CFAP97: variants seen among roughly 807,000 people sequenced by gnomAD.
The protein encoded by CFAP97 is cilia- and flagella-associated protein 97.
In CFAP97, 36 loss-of-function variants were observed where a neutral mutation model predicts 43.1. The observed-to-expected ratio is 0.84, with a 90% CI of 0.64 to 1.10. The LOEUF (loss-of-function observed/expected upper bound fraction) is 1.10. Among genes scored for constraint, CFAP97 ranks in the 50% least tolerant of loss-of-function variants. CFAP97 has a pLI of 0.00. For synonymous variants in CFAP97, 228 were observed against 225.7 expected (o/e 1.01, Z -0.09); for missense variants, 657 against 620.3 (o/e 1.06, Z -0.63).
chr4:185,192,694 G>C (rs912858571), intron 1 of CFAP97, among the ~76,000 whole-genome samples: 2 of 148,190 alleles, frequency 1.3e-5, no homozygotes, highest in African/African-American at 5.0e-5. Context: ...CTTAAGATCA[G>C]ACTTGACCTT....
At chr4:185,193,714 C>T (rs542616032) in intron 1 of CFAP97, among the ~76,000 whole-genome samples, 1 of 152,048 alleles carries the variant, frequency 6.6e-6, no homozygotes, top group East Asian at 1.9e-4. Flanking sequence ...ATAATTAATT[C>T]TATTTTACAT....
At chr4:185,203,539 G>C (rs897033245) in intron 1 of CFAP97, among the ~76,000 whole-genome samples, 8 of 152,098 alleles carry the variant, frequency 5.3e-5, no homozygotes, top group African/African-American at 1.9e-4. Flanking sequence ...TAACCCCTCG[G>C]GCCTCGTGGG....
chr4:185,176,043 GCAGAAAAGCTA>G lies in CFAP97; in HGVS notation c.1055-3_1062del, dbSNP rs774067634. The G allele has an allele frequency of 7.2e-5, 113 of 1,577,510 alleles. No individual in the cohort carries two copies. Among genetic ancestry groups the G allele is most frequent in the Admixed American group, 9.2e-5 (5 of 54,472 alleles). Reference sequence around the variant, plus strand: ...TTTTGTGGTCCTTTTTTATCTAATTGCAGAAAAGCTACAGAAAAGAACAAAAAAAAAAGAGA... The same window carrying G: ...TTTTGTGGTCCTTTTTTATCTAATTGCAGAAAAGAACAAAAAAAAAAGAGA... On this transcript the variant is annotated splice_acceptor_variant and splice_polypyrimidine_tract_variant and coding_sequence_variant and intron_variant, in exon 3 of 5. Coordinates refer to ENST00000458385, the MANE Select transcript of CFAP97 (RefSeq NM_020827.3). LOFTEE classifies it high-confidence loss of function.
intron 3 of CFAP97, among the ~76,000 whole-genome samples, chr4:185,166,740 A>C (rs747388989): frequency 7.9e-5 from 12 of 152,210 alleles, no homozygotes; most frequent in Non-Finnish European, 1.6e-4. Flanking sequence ...ACATGGAACA[A>C]CACCATGTGT....
rs887843119 is a variant in CFAP97, at chr4:185,161,776, C to T, written c.*1022G>A. 1.3e-5 allele frequency: 2 copies of T among 152,284 alleles called. No individual in the cohort carries two copies. Among genetic ancestry groups the T allele is most frequent in the Admixed American group, 1.3e-4 (2 of 15,296 alleles). The allele number at this position is 152,284 out of a possible 1,614,324, so 9.4% of individuals were successfully genotyped here. A position where few individuals can be genotyped will look rare whatever the true frequency, so the allele number is the denominator to read the frequency against. On this transcript the variant is annotated 3_prime_UTR_variant, in exon 5 of 5. Transcript: ENST00000458385. ...AATTAGCTAATACTTAAAGCAGCAG[C>T]CTCAACAAATGTGTGATTTATTTCC...
At position 185,160,706 on chromosome 4, in the gene CFAP97, T is replaced by TA. The variant is rs1734844426; in HGVS notation, c.*2091dup. ...AAAACTAAAGCATTAAATTAGTACC[T>TA]AAAATCAAAGTACAGTTGTTATTTA... On this transcript the variant is annotated 3_prime_UTR_variant, in exon 5 of 5. Transcript: ENST00000458385. 1 of 151,742 alleles carries TA rather than the reference T, an allele frequency of 6.6e-6. No individual in the cohort carries two copies. Among genetic ancestry groups the TA allele is most frequent in the Non-Finnish European group, 1.5e-5 (1 of 67,930 alleles). 9.4% of individuals were successfully genotyped at this position (151,742 alleles called of 1,614,324 possible).
intron 3 of CFAP97, among the ~76,000 whole-genome samples, chr4:185,168,795 A>G (rs1735170184): frequency 6.6e-6 from 1 of 152,092 alleles, no homozygotes; most frequent in South Asian, 2.1e-4. Context: ...CTGTAATCCC[A>G]GCTACTTGGG....
intron 1 of CFAP97, among the ~76,000 whole-genome samples, chr4:185,191,760 G>A (rs1736267770): frequency 1.3e-5 from 2 of 151,716 alleles, no homozygotes; most frequent in African/African-American, 4.9e-5. Flanking sequence ...AACCCAGGAG[G>A]TGGAGGTTAC....
At position 185,180,248 on chromosome 4, in the gene CFAP97, T is replaced by C. The variant is rs73019751; in HGVS notation, c.1055-4197A>G. 2.8e-3 allele frequency among the ~76,000 whole-genome samples: 423 copies of C among 152,314 alleles called. 3 individuals are homozygous for C. Among genetic ancestry groups the C allele is most frequent in the African/African-American group, 9.3e-3 (387 of 41,554 alleles). ...ACCCTATCAGACAGGGCTAGTGTTT[T>C]ATTTTTTTATTGTGGCAAAATACAC... is the stretch of plus-strand genomic sequence containing the variant. On this transcript the variant is annotated intron_variant, in intron 2 of 4. Transcript: ENST00000458385.
intron 1 of CFAP97, among the ~76,000 whole-genome samples, chr4:185,193,542 A>G (rs548969540): frequency 6.6e-6 from 1 of 152,306 alleles, no homozygotes; most frequent in East Asian, 1.9e-4. Context: ...GCTACTCAGG[A>G]GGCTGAGGCA....
intron 3 of CFAP97, among the ~76,000 whole-genome samples, chr4:185,174,115 T>G (rs973117751): frequency 2.0e-5 from 3 of 152,216 alleles, no homozygotes; most frequent in Admixed American, 6.5e-5. Context: ...CTTCTGTAAC[T>G]ACAATAACTA....
At chr4:185,197,506 C>A (rs1246662720) in intron 1 of CFAP97, among the ~76,000 whole-genome samples, 2 of 152,050 alleles carry the variant, frequency 1.3e-5, no homozygotes, top group African/African-American at 4.8e-5. Flanking sequence ...CGGCTCACCG[C>A]AACCTCAGAC....
intron 2 of CFAP97, among the ~76,000 whole-genome samples, chr4:185,177,815 A>G (rs1457461252): frequency 6.6e-6 from 1 of 152,246 alleles, no homozygotes; most frequent in Non-Finnish European, 1.5e-5. Context: ...AGCCTGGGCG[A>G]CAGAGCAAGA....
intron 3 of CFAP97, among the ~76,000 whole-genome samples, chr4:185,164,434 G>C (rs1579225561): frequency 6.6e-6 from 1 of 152,236 alleles, no homozygotes; most frequent in East Asian, 1.9e-4. Context: ...GACATACCAT[G>C]TGAAAAACAT....
intron 3 of CFAP97, among the ~76,000 whole-genome samples, chr4:185,168,548 G>A (rs1039024272): frequency 4.0e-5 from 6 of 151,306 alleles, no homozygotes; most frequent in African/African-American, 1.5e-4. Flanking sequence ...CAGAGGCAGA[G>A]TGCTGCATCA....
intron 2 of CFAP97, among the ~76,000 whole-genome samples, chr4:185,188,890 A>C (rs767689905): frequency 2.5e-4 from 38 of 152,056 alleles, no homozygotes; most frequent in Admixed American, 2.2e-3. Context: ...CAATAGGTAC[A>C]ATCAGAGAAA....
Position 185,192,752 on chromosome 4 carries a change from T to TG in CFAP97, c.-16-1541_-16-1540insC, listed in dbSNP as rs1314815695. Among the ~76,000 whole-genome samples the TG allele has an allele frequency of 7.4e-3, 320 of 43,364 alleles. 5 individuals are homozygous for TG. In the East Asian group the frequency reaches 0.12, roughly 16 times the overall value. The allele number at this position is 43,364 out of a possible 152,430, so 28.4% of individuals were successfully genotyped here. A position where few individuals can be genotyped will look rare whatever the true frequency, so the allele number is the denominator to read the frequency against. ...GACCTTCTTTTTTTTTTTTTTTTTTTTTTTTTGAGACGGAGTCTCGCTCTG... is the reference window on the plus strand; with the variant it reads ...GACCTTCTTTTTTTTTTTTTTTTTTTGTTTTTTGAGACGGAGTCTCGCTCTG... On this transcript the variant is annotated intron_variant, in intron 1 of 4. Coordinates refer to ENST00000458385, the MANE Select transcript of CFAP97 (RefSeq NM_020827.3).
At chr4:185,195,418 T>C (rs2111406940) in intron 1 of CFAP97, among the ~76,000 whole-genome samples, 1 of 152,184 alleles carries the variant, frequency 6.6e-6, no homozygotes, top group Non-Finnish European at 1.5e-5. Context: ...AGGAGGTTGA[T>C]AATGCAATGA....
intron 2 of CFAP97, among the ~76,000 whole-genome samples, chr4:185,179,688 A>C (rs1277529642): frequency 1.3e-5 from 2 of 152,144 alleles, no homozygotes; most frequent in Non-Finnish European, 2.9e-5. Flanking sequence ...AGTCCCGGCC[A>C]CTGAGTCACC....
Sources: gnomAD v4.1 joint callset for allele counts (sites outside exome capture counted in the v4.1 genomes callset) on GRCh38, gnomAD v4.1.1 for gene constraint, MANE v1.5 for transcripts, NCBI Gene and HGNC (gene_info 2026-07-23, HGNC 2026-07-21) for gene names.